Variants in PRH1 observed in about 807,000 individuals in gnomAD.
The protein encoded by PRH1 is salivary acidic proline-rich phosphoprotein 1/2.
A neutral mutation model predicts 7.9 loss-of-function variants in PRH1; 7 were observed. That is an observed-to-expected ratio of 0.89 (90% CI 0.50 to 1.67). PRH1 has a LOEUF of 1.67. Ranked by LOEUF, PRH1 falls within the 40% of genes most tolerant of loss-of-function variation. PRH1 has a pLI of 0.00. For synonymous variants in PRH1, 45 were observed against 80.8 expected (o/e 0.56, Z 2.38); for missense variants, 109 against 223.6 (o/e 0.49, Z 3.27).
chr12:11,086,104 T>C (rs1351181299), intron 1 of PRH1, among the ~76,000 whole-genome samples: 1 of 110,412 alleles, frequency 9.1e-6, no homozygotes, highest in Non-Finnish European at 2.0e-5. Context: ...ATAAACACAT[T>C]CCCCCCCCCA....
At chr12:10,939,722 A>G (rs1950364959) in intron 2 of PRH1, among the ~76,000 whole-genome samples, 1 of 151,990 alleles carries the variant, frequency 6.6e-6, no homozygotes, top group Non-Finnish European at 1.5e-5. Context: ...AGTTTACAGA[A>G]CCTCAGTTAG....
At chr12:11,133,693 G>A in intron 1 of PRH1, 1 of 1,614,244 alleles carries the variant, frequency 6.2e-7, no homozygotes, top group Non-Finnish European at 8.5e-7. Flanking sequence ...GGGGTACAAA[G>A]TTTGCTAGCA....
chr12:10,992,504 C>G (rs561406591), intron 1 of PRH1, among the ~76,000 whole-genome samples: 10 of 152,226 alleles, frequency 6.6e-5, no homozygotes, highest in Middle Eastern at 3.4e-3. Context: ...ACTGCAGACT[C>G]AAATTCCTGG....
rs1358172394 is a variant in PRH1 at position 10,939,271 on chromosome 12, A to G, written c.-59+34384T>C. On this transcript the variant is annotated intron_variant, in intron 2 of 3. Transcript: ENST00000539853. ...TGAAGACTTCTTAATGCATTCATCT[A>G]AAATGCTATGTATATCTGATTCTTG... 3 of 915,716 alleles carry G rather than the reference A, an allele frequency of 3.3e-6. No individual in the cohort carries two copies. In the East Asian group the frequency reaches 7.5e-5, roughly 23 times the overall value. The allele number at this position is 915,716 out of a possible 1,614,324, so 56.7% of individuals were successfully genotyped here.
At chr12:10,939,675 G>A (rs1237853934) in intron 2 of PRH1, among the ~76,000 whole-genome samples, 8 of 150,874 alleles carry the variant, frequency 5.3e-5, no homozygotes, top group African/African-American at 1.2e-4. Context: ...ACATACTTCC[G>A]TGTTTGGGTG....
chr12:10,953,533 C>T (rs1937791640), intron 2 of PRH1, among the ~76,000 whole-genome samples: 2 of 152,280 alleles, frequency 1.3e-5, no homozygotes, highest in African/African-American at 2.4e-5. Context: ...GAGTAGTCCT[C>T]TGAAATTACT....
chr12:11,051,587 C>G (rs1943146777), upstream of PRH1, among the ~76,000 whole-genome samples: 1 of 152,182 alleles, frequency 6.6e-6, no homozygotes, highest in South Asian at 2.1e-4. Context: ...TTCCATCCCT[C>G]TACACCTTTC....
chr12:11,062,018 G>A, intron 1 of PRH1: 1 of 1,613,760 alleles, frequency 6.2e-7, no homozygotes, highest in Non-Finnish European at 8.5e-7. Flanking sequence ...TTGCTGAAAT[G>A]GTTGATTACT....
chr12:10,955,602 G>A (rs1322023055), intron 2 of PRH1, among the ~76,000 whole-genome samples: 2 of 151,636 alleles, frequency 1.3e-5, no homozygotes, highest in African/African-American at 4.8e-5. Context: ...GAAGGAAATT[G>A]TGATTAAAAA....
At chr12:11,056,604 G>GGTTA (rs1943371517) in intron 1 of PRH1, among the ~76,000 whole-genome samples, 1 of 152,136 alleles carries the variant, frequency 6.6e-6, no homozygotes, top group African/African-American at 2.4e-5. Flanking sequence ...GATCACCTGA[G>GGTTA]GTTAGGACTT....
At chr12:10,938,298 C>A in intron 2 of PRH1, 3 of 1,612,512 alleles carry the variant, frequency 1.9e-6, no homozygotes, top group Non-Finnish European at 2.5e-6. Context: ...GGCTCCCCAT[C>A]TTTGAACATG....
chr12:11,029,898 C>A (rs1042847750), intron 1 of PRH1, among the ~76,000 whole-genome samples: 2 of 152,096 alleles, frequency 1.3e-5, no homozygotes, highest in African/African-American at 4.8e-5. Flanking sequence ...AAGATACATC[C>A]TCATTATTGA....
At chr12:11,122,211 A>T (rs2708340) in intron 1 of PRH1, among the ~76,000 whole-genome samples, 1 of 126,932 alleles carries the variant, frequency 7.9e-6, no homozygotes, top group Non-Finnish European at 1.7e-5. Flanking sequence ...CATTTACCAT[A>T]AGGACATCAT....
chr12:10,982,003 G>A (rs1234497073), intron 1 of PRH1, among the ~76,000 whole-genome samples: 2 of 151,916 alleles, frequency 1.3e-5, no homozygotes, highest in African/African-American at 4.8e-5. Flanking sequence ...ACTGGAGTAT[G>A]AGTTTTTGAA....
At chr12:11,088,786 T>C (rs1944792193) in intron 1 of PRH1, among the ~76,000 whole-genome samples, 1 of 115,916 alleles carries the variant, frequency 8.6e-6, no homozygotes, top group Admixed American at 8.6e-5. Flanking sequence ...TGCCAGATGA[T>C]CCAGCAGGAT....
At chr12:11,007,125 G>A (rs181951057) in intron 1 of PRH1, among the ~76,000 whole-genome samples, 34 of 152,120 alleles carry the variant, frequency 2.2e-4, no homozygotes, top group African/African-American at 6.7e-4. Flanking sequence ...ACCTAGGATC[G>A]TATAAATATG....
At chr12:11,098,955 AG>A (rs1324905531) in intron 1 of PRH1, among the ~76,000 whole-genome samples, 2 of 152,190 alleles carry the variant, frequency 1.3e-5, no homozygotes, top group Non-Finnish European at 2.9e-5. Context: ...AAGAGTTTTC[AG>A]CCCAAGAATA....
intron 2 of PRH1, among the ~76,000 whole-genome samples, chr12:10,949,388 T>C (rs1284214289): frequency 1.3e-5 from 2 of 152,246 alleles, no homozygotes; most frequent in African/African-American, 2.4e-5. Context: ...GCAAGGGCAG[T>C]TCTACTGCAG....
intron 1 of PRH1, 51 bp downstream of exon 1, chr12:10,884,103 T>G: frequency 6.2e-7 from 1 of 1,610,556 alleles, no homozygotes; most frequent in Non-Finnish European, 8.5e-7. Flanking sequence ...CTATAGCATT[T>G]GCCTGTAAAC....
Sources: gnomAD v4.1 joint callset for allele counts (sites outside exome capture counted in the v4.1 genomes callset) on GRCh38, gnomAD v4.1.1 for gene constraint, MANE v1.5 for transcripts, NCBI Gene and HGNC (gene_info 2026-07-23, HGNC 2026-07-21) for gene names.